PTGFRN: variants seen among roughly 807,000 people sequenced by gnomAD.
PTGFRN encodes the protein prostaglandin F2 receptor inhibitor.
A neutral mutation model predicts 83.2 loss-of-function variants in PTGFRN; 35 were observed. The ratio of observed to expected loss-of-function variants is 0.42; its 90% CI spans 0.32 to 0.56. The LOEUF is 0.56. Among genes scored for constraint, PTGFRN ranks in the 20% least tolerant of loss-of-function variants. The probability of loss-of-function intolerance (pLI) is 0.11; values close to 1 mark genes in which losing one functional copy is unlikely to be tolerated. For missense variants in PTGFRN, 1,051 were observed against 1,179.5 expected (o/e 0.89, Z 1.60); for synonymous variants, 519 against 498.6 (o/e 1.04, Z -0.55).
Position 116,952,804 on chromosome 1 carries a change from A to G in PTGFRN, c.1213+3232A>G, listed in dbSNP as rs575859981. On this transcript the variant is annotated intron_variant, in intron 4 of 8. Coordinates refer to ENST00000393203, the MANE Select transcript of PTGFRN (RefSeq NM_020440.4). This position sits in a 1 kb window ranked among gnomAD's most constrained non-coding sequence, Gnocchi z 4.0. The stretch of plus-strand genomic sequence containing the variant: ...CAACTGTTCTTTTACAAAAGGCCCT[A>G]AATGATGGTTTAAATGGATGTTTCT... Among the ~76,000 whole-genome samples, 2 of 152,366 alleles carry G rather than the reference A, an allele frequency of 1.3e-5. No homozygotes were observed. The highest frequency in any genetic ancestry group is 3.9e-4 in the East Asian group (2 of 5,192).
intron 1 of PTGFRN, among the ~76,000 whole-genome samples, chr1:116,910,548 G>C (rs1300807489): frequency 3.3e-5 from 5 of 151,914 alleles, no homozygotes; most frequent in Admixed American, 3.3e-4. Flanking sequence ...CTTTCCCCCA[G>C]GTCTCCCTAC....
At chr1:116,920,904 G>T (rs1297076969) in intron 1 of PTGFRN, among the ~76,000 whole-genome samples, 1 of 152,206 alleles carries the variant, frequency 6.6e-6, no homozygotes, top group African/African-American at 2.4e-5. Context: ...GATTACAGGT[G>T]TGAGCTACCA....
chr1:116,912,542 G>C (rs1454750499), intron 1 of PTGFRN, among the ~76,000 whole-genome samples: 1 of 152,138 alleles, frequency 6.6e-6, no homozygotes, highest in East Asian at 1.9e-4. Context: ...ACAGACTCCA[G>C]CTTCTTTCTT....
chr1:116,912,901 T>C (rs915144148), intron 1 of PTGFRN, among the ~76,000 whole-genome samples: 3 of 152,164 alleles, frequency 2.0e-5, no homozygotes, highest in Admixed American at 6.5e-5. Context: ...AAACTCACTT[T>C]CTCCATGAAG....
intron 1 of PTGFRN, among the ~76,000 whole-genome samples, chr1:116,919,642 G>T (rs562056640): frequency 6.6e-6 from 1 of 152,348 alleles, no homozygotes; most frequent in African/African-American, 2.4e-5. Context: ...CTGAGTCACA[G>T]AGGTGAAGTC....
At position 116,910,211 on chromosome 1, in the gene PTGFRN, G is replaced by A. The variant is rs759391319; in HGVS notation, c.8G>A (p.Arg3His). Residue 3 changes from arginine to histidine, a missense_variant, in exon 1 of 9, where the codon CGC becomes CAC. Arg to His is a conservative substitution (Grantham distance 29). This residue lies in a region of PTGFRN where 127 missense variants were observed against 168.4 expected (regional missense o/e 0.75). Transcript: ENST00000393203. ...CGCTCCCGCCGGGCGAGCATGGGGC[G>A]CCTGGCCTCGAGGCCGCTGCTGCTG... MGRLASRPLLLAL... is the reference protein window; with the variant it reads MGHLASRPLLLAL... The A allele has an allele frequency of 5.4e-6, 8 of 1,468,756 alleles. No individual in the cohort carries two copies. The South Asian group carries it at 1.1e-4, about 20-fold the overall frequency. 91.0% of individuals were successfully genotyped at this position (1,468,756 alleles called of 1,614,324 possible).
chr1:116,959,354 G>A (rs939996970), intron 4 of PTGFRN, among the ~76,000 whole-genome samples: 8 of 152,172 alleles, frequency 5.3e-5, no homozygotes, highest in African/African-American at 9.7e-5. Flanking sequence ...ACAGTACGAT[G>A]TACTCCCATG....
chr1:116,967,102 G>A lies in PTGFRN; in HGVS notation c.1831G>A (p.Asp611Asn), dbSNP rs201491047. 1.5e-4 allele frequency: 235 copies of A among 1,614,106 alleles called. No homozygotes were observed. The highest frequency in any genetic ancestry group is 1.9e-4 in the Non-Finnish European group (224 of 1,180,056). Residue 611 changes from aspartate (D) to asparagine (N), a missense_variant, in exon 6 of 9, where the codon GAT (aspartate) becomes AAT (asparagine). Transcript: ENST00000393203. ...GAAGTACATCATCTCTCTGGACCAG[G>A]ATTCTGTGGTGAAGCTGGAGAATTG... ...ETKYIISLDQ[D>N]SVVKLENWTD...
chr1:116,974,766 G>C (rs1010974051), intron 7 of PTGFRN, among the ~76,000 whole-genome samples: 5 of 152,316 alleles, frequency 3.3e-5, no homozygotes, highest in African/African-American at 4.8e-5. Flanking sequence ...GGCCAAATAG[G>C]AACAGCTCCA....
At position 116,970,364 on chromosome 1, in the gene PTGFRN, A is replaced by G. The variant is rs554297406; in HGVS notation, c.2059+3034A>G. Reference sequence around the variant, plus strand: ...TCATGGAAAGGTGTTGAATGTGGTCAGATGCTTTTTCTCTGTCTGTTGAGA... The same window carrying G: ...TCATGGAAAGGTGTTGAATGTGGTCGGATGCTTTTTCTCTGTCTGTTGAGA... On this transcript the variant is annotated intron_variant, in intron 6 of 8. Coordinates refer to ENST00000393203, the MANE Select transcript of PTGFRN (RefSeq NM_020440.4). Among the ~76,000 whole-genome samples, 3 of 152,100 alleles carry G rather than the reference A, an allele frequency of 2.0e-5. No individual in the cohort carries two copies. The South Asian group carries it at 6.2e-4, about 32-fold the overall frequency.
At chr1:116,936,648 CAG>C (rs1649927613) in intron 1 of PTGFRN, among the ~76,000 whole-genome samples, 1 of 152,072 alleles carries the variant, frequency 6.6e-6, no homozygotes, top group South Asian at 2.1e-4. Flanking sequence ...CATGAAGCAC[CAG>C]AGAGTATGGC....
At chr1:116,980,404 A>T (rs1472269436) in intron 7 of PTGFRN, among the ~76,000 whole-genome samples, 2 of 152,264 alleles carry the variant, frequency 1.3e-5, no homozygotes, top group African/African-American at 4.8e-5. Flanking sequence ...AGACACATGC[A>T]CATGTGTGTT....
chr1:116,925,180 C>T (rs1410033400), intron 1 of PTGFRN, among the ~76,000 whole-genome samples: 1 of 152,182 alleles, frequency 6.6e-6, no homozygotes, highest in South Asian at 2.1e-4. Context: ...GTAATCCCAG[C>T]ACTTTGGGAG....
At chr1:116,944,031 C>T (rs1650120853) in intron 2 of PTGFRN, among the ~76,000 whole-genome samples, 1 of 152,154 alleles carries the variant, frequency 6.6e-6, no homozygotes, top group Non-Finnish European at 1.5e-5. Flanking sequence ...TTTCTAGACT[C>T]TGTAGAAGTG....
intron 6 of PTGFRN, among the ~76,000 whole-genome samples, chr1:116,970,768 A>G (rs1332268781): frequency 6.6e-6 from 1 of 152,198 alleles, no homozygotes; most frequent in African/African-American, 2.4e-5. Context: ...TTGATTTGAA[A>G]CTGAACAGCC....
At chr1:116,969,131 T>G (rs1650921934) in intron 6 of PTGFRN, among the ~76,000 whole-genome samples, 1 of 152,100 alleles carries the variant, frequency 6.6e-6, no homozygotes. Flanking sequence ...TTTTTTTTTT[T>G]TTTCCTTTTG....
chr1:116,936,290 A>C (rs1248281337), intron 1 of PTGFRN, among the ~76,000 whole-genome samples: 1 of 152,198 alleles, frequency 6.6e-6, no homozygotes, highest in Non-Finnish European at 1.5e-5. Flanking sequence ...GCTTGGTGGC[A>C]ATTTGAAATT....
chr1:116,974,304 G>C lies in PTGFRN; in HGVS notation c.2148G>C (p.Glu716Asp). 1 of 1,610,648 alleles carries C rather than the reference G, an allele frequency of 6.2e-7. No individual in the cohort carries two copies. Among genetic ancestry groups the C allele is most frequent in the Non-Finnish European group, 8.5e-7 (1 of 1,176,914 alleles). ...LIKLFCIITV[E>D]GAALDPDDMA... ...AATTGTTCTGTATCATCACTGTCGAGGGAGCAGCACTGGATCCAGGTACCT... is the reference window on the plus strand; with the variant it reads ...AATTGTTCTGTATCATCACTGTCGACGGAGCAGCACTGGATCCAGGTACCT... Residue 716 changes from glutamate to aspartate, a missense_variant, in exon 7 of 9, where the codon GAG (glutamate) becomes GAC (aspartate). Transcript: ENST00000393203.
Position 116,949,613 on chromosome 1 carries a change from A to G in PTGFRN, c.1213+41A>G, listed in dbSNP as rs758127334. ...AATGACTCTTAACCTCTTCAGCTTA[A>G]CCCCTCCTCGGAGTTATCTGAAGGA... is the stretch of plus-strand genomic sequence containing the variant. On this transcript the variant is annotated intron_variant, in intron 4 of 8. Coordinates refer to ENST00000393203, the MANE Select transcript of PTGFRN (RefSeq NM_020440.4). The G allele has an allele frequency of 1.3e-5, 20 of 1,571,620 alleles. 2 individuals are homozygous for G. Among genetic ancestry groups the G allele is most frequent in the South Asian group, 4.7e-5 (4 of 84,280 alleles).
Sources: allele counts gnomAD v4.1 joint callset (sites outside exome capture counted in the v4.1 genomes callset), GRCh38; gene constraint gnomAD v4.1.1; regional missense constraint gnomAD v4.1.1; non-coding constraint Gnocchi (gnomAD v3.1); transcripts MANE v1.5; gene names NCBI Gene and HGNC (gene_info 2026-07-23, HGNC 2026-07-21).